Variants in PTPRD observed in about 807,000 individuals in gnomAD.
PTPRD encodes protein tyrosine phosphatase receptor type D.
PTPRD carries 34 observed loss-of-function variants against 214.5 expected under a neutral mutation model. The observed-to-expected ratio is 0.16, with a 90% confidence interval of 0.12 to 0.21. The LOEUF is 0.21. Among genes scored for constraint, PTPRD ranks in the 10% least tolerant of loss-of-function variants. The pLI is 1.00. For missense variants in PTPRD, 2,545 were observed against 2,398.7 expected (o/e 1.06, Z -1.27); for synonymous variants, 1,128 against 845.7 (o/e 1.33, Z -5.79).
intron 45 of PTPRD, 123 bp downstream of exon 45, chr9:8,319,708 A>T: frequency 8.2e-7 from 1 of 1,212,476 alleles, no homozygotes. Flanking sequence ...CAAAATTATT[A>T]AACAGTTTGA....
At chr9:9,212,427 G>C (rs190529439) in intron 9 of PTPRD, among the ~76,000 whole-genome samples, 14 of 152,112 alleles carry the variant, frequency 9.2e-5, no homozygotes, top group Non-Finnish European at 1.9e-4. Context: ...TCCTATTGTT[G>C]CCTCCTCACT....
chr9:8,687,373 A>G (rs1341117404), intron 12 of PTPRD, among the ~76,000 whole-genome samples: 1 of 152,244 alleles, frequency 6.6e-6, no homozygotes, highest in Non-Finnish European at 1.5e-5. Flanking sequence ...TTCAGAAATA[A>G]AACTATGGCA....
rs780455361 is a variant in PTPRD, at chr9:8,332,771, C to A, written c.5380-1035G>T. Among the ~76,000 whole-genome samples, 83 of 152,234 alleles carry A rather than the reference C, an allele frequency of 5.5e-4. 1 individual carries two copies. Among genetic ancestry groups the A allele is most frequent in the Admixed American group, 5.1e-3 (78 of 15,284 alleles). Reference sequence around the variant, plus strand: ...TGCCCATCAACCTTCTCCCCTGACTCATCAGCAGAGAGAAATAATCCAAGC... The same window carrying A: ...TGCCCATCAACCTTCTCCCCTGACTAATCAGCAGAGAGAAATAATCCAAGC... On this transcript the variant is annotated intron_variant, in intron 43 of 45. Transcript: ENST00000381196.
intron 15 of PTPRD, chr9:8,528,072 A>G (rs2074674107): frequency 1.0e-5 from 2 of 200,284 alleles, no homozygotes; most frequent in Admixed American, 6.0e-5. Flanking sequence ...AGATGTGCCC[A>G]GACTTACTAA....
chr9:10,495,952 A>G (rs1445410788), intron 2 of PTPRD, among the ~76,000 whole-genome samples: 1 of 151,794 alleles, frequency 6.6e-6, no homozygotes, highest in Non-Finnish European at 1.5e-5. Context: ...TCAAAGTTGT[A>G]TTTAGTATTG....
chr9:8,717,304 A>T (rs1308785395), intron 12 of PTPRD, among the ~76,000 whole-genome samples: 1 of 152,186 alleles, frequency 6.6e-6, no homozygotes, highest in Admixed American at 6.5e-5. Flanking sequence ...ATCCTCCCCA[A>T]CCTACGTCTC....
intron 5 of PTPRD, among the ~76,000 whole-genome samples, chr9:9,898,870 T>G (rs10117170): frequency 0.25 from 38,040 of 151,958 alleles, 5,958 homozygotes; most frequent in African/African-American, 0.44. Context: ...AAAATCTCTG[T>G]GCATAGTGAC....
At chr9:8,452,650 A>G (rs926914245) in intron 33 of PTPRD, among the ~76,000 whole-genome samples, 2 of 152,174 alleles carry the variant, frequency 1.3e-5, no homozygotes, top group African/African-American at 4.8e-5. Context: ...TTGCAGTGAG[A>G]ACTATCTACT....
intron 11 of PTPRD, among the ~76,000 whole-genome samples, chr9:8,746,602 T>C (rs926712027): frequency 6.6e-6 from 1 of 152,218 alleles, no homozygotes; most frequent in Non-Finnish European, 1.5e-5. Context: ...CTGTAGTAAC[T>C]TTCTCAACAC....
chr9:8,607,516 G>T (rs1228516351), intron 14 of PTPRD, among the ~76,000 whole-genome samples: 1 of 152,076 alleles, frequency 6.6e-6, no homozygotes, highest in East Asian at 1.9e-4. Context: ...GGTGACACGC[G>T]CCTGTAATAC....
intron 2 of PTPRD, among the ~76,000 whole-genome samples, chr9:10,581,188 C>T (rs895214840): frequency 6.6e-6 from 1 of 152,098 alleles, no homozygotes; most frequent in Non-Finnish European, 1.5e-5. Context: ...CTAGGAAGTA[C>T]TTATAACGCT....
intron 7 of PTPRD, among the ~76,000 whole-genome samples, chr9:9,674,639 T>A (rs993088221): frequency 1.3e-5 from 2 of 151,744 alleles, no homozygotes; most frequent in African/African-American, 4.8e-5. Flanking sequence ...AATACATACC[T>A]TGAAATGCTA....
At chr9:8,497,327 C>A (rs2136620911) in intron 25 of PTPRD, 59 bp from the exon 26 acceptor site, 3 of 1,425,982 alleles carry the variant, frequency 2.1e-6, no homozygotes, top group South Asian at 2.6e-5. Flanking sequence ...GAATTTAAAG[C>A]CTTATACAGG....
At chr9:10,078,767 A>G (rs982113738) in intron 3 of PTPRD, among the ~76,000 whole-genome samples, 3 of 152,036 alleles carry the variant, frequency 2.0e-5, no homozygotes, top group African/African-American at 4.8e-5. Flanking sequence ...AATGTTTCCT[A>G]TTCTTTCTTC....
In PTPRD at chr9:8,755,277, C is replaced by G. The variant is rs1450651373; in HGVS notation, c.-103-21331G>C. On this transcript the variant is annotated intron_variant, in intron 11 of 45. Transcript: ENST00000381196. ...AGGTGCGGTGGCTCACGCCTGTAAT[C>G]CCAGCACTTTGGGAGGCCGAGGTGG... Among the ~76,000 whole-genome samples the G allele has an allele frequency of 3.3e-5, 5 of 150,630 alleles. No individual in the cohort carries two copies. The South Asian group carries it at 1.0e-3, about 31-fold the overall frequency.
chr9:8,625,658 A>C (rs2096002247), intron 14 of PTPRD, among the ~76,000 whole-genome samples: 1 of 151,712 alleles, frequency 6.6e-6, no homozygotes, highest in African/African-American at 2.4e-5. Context: ...CCAAAAATCT[A>C]TCAATTAAAA....
In PTPRD at chr9:8,946,517, A is replaced by G. The variant is rs79194369; in HGVS notation, c.-104+72180T>C. 5.9e-3 allele frequency among the ~76,000 whole-genome samples: 892 copies of G among 152,224 alleles called. 11 individuals carry two copies. The highest frequency in any genetic ancestry group is 0.021 in the African/African-American group (857 of 41,532). On this transcript the variant is annotated intron_variant, in intron 11 of 45. Coordinates refer to ENST00000381196, the MANE Select transcript of PTPRD (RefSeq NM_002839.4). ...ATATGAAAATCCCTTATTAGTTAGC[A>G]TACTCTTGGTAGCTGTAGCTGATGG...
chr9:9,318,416 G>C (rs1007274278), intron 9 of PTPRD, among the ~76,000 whole-genome samples: 10 of 152,042 alleles, frequency 6.6e-5, no homozygotes, highest in African/African-American at 2.4e-4. Flanking sequence ...TATAAAATGA[G>C]ATTCTAAAAT....
At chr9:8,569,960 T>C (rs560038466) in intron 14 of PTPRD, among the ~76,000 whole-genome samples, 4 of 152,262 alleles carry the variant, frequency 2.6e-5, no homozygotes, top group Non-Finnish European at 5.9e-5. Flanking sequence ...TTTGGGTACA[T>C]AATGCGGTGA....
Sources: gnomAD v4.1 joint callset for allele counts (sites outside exome capture counted in the v4.1 genomes callset) on GRCh38, gnomAD v4.1.1 for gene constraint, MANE v1.5 for transcripts, NCBI Gene and HGNC (gene_info 2026-07-23, HGNC 2026-07-21) for gene names.